SLC37A1: variants seen among roughly 807,000 people sequenced by gnomAD.
The protein encoded by SLC37A1 is solute carrier family 37 member 1, also known as glucose-6-phosphate exchanger SLC37A1.
In SLC37A1, 49 loss-of-function variants were observed where a neutral mutation model predicts 75.3. The observed-to-expected ratio is 0.65, with a 90% CI of 0.52 to 0.83. The LOEUF (loss-of-function observed/expected upper bound fraction) is 0.83. Ranked by LOEUF, SLC37A1 falls within the 40% of genes least tolerant of loss-of-function variation. The pLI is 0.00. For synonymous variants in SLC37A1, 268 were observed against 292.1 expected (o/e 0.92, Z 0.84); for missense variants, 566 against 695.0 (o/e 0.81, Z 2.09).
chr21:42,579,738 C>T lies in SLC37A1; in HGVS notation c.1524C>T (p.Phe508=), dbSNP rs1223367874. Reference sequence around the variant, plus strand: ...GGCTCACCTTTGTTTTGGTGCAGTTCCTGATCCGCCTCATACACAAGGAGC... The same window carrying T: ...GGCTCACCTTTGTTTTGGTGCAGTTTCTGATCCGCCTCATACACAAGGAGC... The part of the protein sequence containing the change: ...LMFADACALL[F]LIRLIHKELS... Residue 508 remains phenylalanine, a splice_region_variant and synonymous_variant, in exon 19 of 20, where the codon TTC becomes TTT. Coordinates refer to ENST00000352133, the MANE Select transcript of SLC37A1 (RefSeq NM_001320537.2). 1.2e-6 allele frequency: 2 copies of T among 1,614,180 alleles called. No individual in the cohort carries two copies. Among genetic ancestry groups the T allele is most frequent in the Non-Finnish European group, 8.5e-7 (1 of 1,180,034 alleles).
At chr21:42,567,119 A>G in intron 16 of SLC37A1, 61 bp downstream of exon 16, 1 of 1,568,944 alleles carries the variant, frequency 6.4e-7, no homozygotes, top group Non-Finnish European at 8.7e-7. Context: ...CATTCATGAC[A>G]AAAGTGGCCT....
chr21:42,515,422 A>T lies in SLC37A1; in HGVS notation c.-179+705A>T, dbSNP rs374519456. Among the ~76,000 whole-genome samples, 15 of 152,318 alleles carry T rather than the reference A, an allele frequency of 9.8e-5. 4 individuals carry two copies. The highest frequency in any genetic ancestry group is 1.9e-4 in the East Asian group (1 of 5,190). The stretch of plus-strand genomic sequence containing the variant: ...AAATATCTGTGGGGCCGCTTTGATT[A>T]TGTGTAATGCCACCTCAGCCCTAAA... On this transcript the variant is annotated intron_variant, in intron 1 of 19. Transcript: ENST00000352133.
rs1601654580 is a variant in SLC37A1, at chr21:42,514,335, C to G, written c.-561C>G. Reference sequence around the variant, plus strand: ...GAGTCCCCGGCAGGGGCGAGCTTAGCTGTCCAGCCGGGTCCCCTGCCCACC... The same window carrying G: ...GAGTCCCCGGCAGGGGCGAGCTTAGGTGTCCAGCCGGGTCCCCTGCCCACC... On this transcript the variant is annotated 5_prime_UTR_variant, in exon 1 of 20. Coordinates refer to ENST00000352133, the MANE Select transcript of SLC37A1 (RefSeq NM_001320537.2). The surrounding 1 kb of genome is among the most constrained non-coding windows in gnomAD (Gnocchi z 4.8). 6.6e-6 allele frequency: 1 copy of G among 151,904 alleles called. No homozygotes were observed. The highest frequency in any genetic ancestry group is 1.5e-5 in the Non-Finnish European group (1 of 68,000). The allele number at this position is 151,904 out of a possible 1,614,324, so 9.4% of individuals were successfully genotyped here.
rs768541152 is a variant in SLC37A1, at chr21:42,547,111, G to A, written c.739G>A (p.Asp247Asn). The change falls in exon 9 of 20, where the codon GAC becomes AAC. Residue 247 changes from aspartate (D) to asparagine (N), a missense_variant. Asp to Asn is a conservative substitution (Grantham distance 23). Transcript: ENST00000352133. This position sits in a 1 kb window ranked among gnomAD's most constrained non-coding sequence, Gnocchi z 6.1. ...CFLFLIEHPN[D>N]VRCSSTLVTH... Reference sequence around the variant, plus strand: ...CATGTTTGCTCTTTCAGATCCGAACGACGTCAGGTGCTCCTCCACCCTGGT... The same window carrying A: ...CATGTTTGCTCTTTCAGATCCGAACAACGTCAGGTGCTCCTCCACCCTGGT... The A allele has an allele frequency of 2.5e-6, 4 of 1,614,140 alleles. No homozygotes were observed. The highest frequency in any genetic ancestry group is 2.2e-5 in the South Asian group (2 of 91,080).
intron 2 of SLC37A1, among the ~76,000 whole-genome samples, chr21:42,503,246 TC>T (rs1398184347): frequency 3.9e-5 from 5 of 127,534 alleles, no homozygotes; most frequent in Non-Finnish European, 8.2e-5. Flanking sequence ...GAAATTATAC[TC>T]CTTTTTTTTT....
At chr21:42,556,999 C>T (rs1007812605) in intron 10 of SLC37A1, among the ~76,000 whole-genome samples, 3 of 152,200 alleles carry the variant, frequency 2.0e-5, no homozygotes, top group African/African-American at 7.2e-5. Context: ...TTTAAACCAG[C>T]CCAGCAAGTG....
intron 17 of SLC37A1, among the ~76,000 whole-genome samples, chr21:42,569,553 G>A (rs1288289839): frequency 9.1e-5 from 4 of 43,964 alleles, no homozygotes; most frequent in Admixed American, 5.5e-4. Context: ...CCCTCGTGCC[G>A]CACTCCCTCG....
intron 14 of SLC37A1, 112 bp downstream of exon 14, chr21:42,564,905 C>T (rs979334486): frequency 3.0e-6 from 3 of 989,532 alleles, no homozygotes; most frequent in Admixed American, 4.3e-5. Flanking sequence ...CTGACAAGCC[C>T]GCTTCATTCC....
chr21:42,572,917 T>C (rs986242634), intron 17 of SLC37A1, among the ~76,000 whole-genome samples: 2 of 152,092 alleles, frequency 1.3e-5, no homozygotes, highest in African/African-American at 4.8e-5. Flanking sequence ...CCCTGCATAG[T>C]GGTTTGAAGT....
intron 17 of SLC37A1, among the ~76,000 whole-genome samples, chr21:42,571,622 G>A (rs534836861): frequency 7.2e-4 from 110 of 152,032 alleles, no homozygotes; most frequent in Non-Finnish European, 1.3e-3. Flanking sequence ...TCATCTGAAC[G>A]TCATCAGCTG....
At chr21:42,522,292 C>T (rs1302152085) in intron 2 of SLC37A1, among the ~76,000 whole-genome samples, 1 of 152,110 alleles carries the variant, frequency 6.6e-6, no homozygotes, top group Non-Finnish European at 1.5e-5. Flanking sequence ...GGAAACATAT[C>T]ATCCAAAACA....
intron 19 of SLC37A1, 53 bp downstream of exon 19, chr21:42,579,853 C>G: frequency 6.3e-7 from 1 of 1,578,788 alleles, no homozygotes; most frequent in Non-Finnish European, 8.7e-7. Context: ...TCCAAAGTGC[C>G]TTCTGTCCTA....
intron 18 of SLC37A1, chr21:42,575,601 A>G: frequency 2.0e-6 from 2 of 985,406 alleles, no homozygotes; most frequent in Non-Finnish European, 2.4e-6. Flanking sequence ...AGGGGTGCAT[A>G]CACATCTTTA....
intron 7 of SLC37A1, 68 bp from the exon 8 acceptor site, chr21:42,543,368 C>A: frequency 6.3e-7 from 1 of 1,585,860 alleles, no homozygotes; most frequent in Non-Finnish European, 8.7e-7. Flanking sequence ...CACTGCTGCG[C>A]CCTGCACTGC....
chr21:42,548,557 C>T lies in SLC37A1; in HGVS notation c.768+1417C>T, dbSNP rs890722789. Among the ~76,000 whole-genome samples the T allele has an allele frequency of 6.6e-6, 1 of 152,166 alleles. No individual in the cohort carries two copies. ...GGAATGGAAACCCTCTCACCTCCTC[C>T]GCCTCTACCACCCTGGTCCCCGTCA... On this transcript the variant is annotated intron_variant, in intron 9 of 19. Transcript: ENST00000352133. This position sits in a 1 kb window ranked among gnomAD's most constrained non-coding sequence, Gnocchi z 5.6.
intron 5 of SLC37A1, among the ~76,000 whole-genome samples, chr21:42,537,073 A>T (rs1192071532): frequency 6.6e-6 from 1 of 152,232 alleles, no homozygotes; most frequent in South Asian, 2.1e-4. Context: ...GTGTAGGATC[A>T]TCAAGACCTG....
At chr21:42,506,055 A>C (rs978662773) in intron 2 of SLC37A1, among the ~76,000 whole-genome samples, 1 of 152,214 alleles carries the variant, frequency 6.6e-6, no homozygotes, top group African/African-American at 2.4e-5. Flanking sequence ...GCAGGCAGTA[A>C]GAGGATTCCC....
chr21:42,570,012 GGCCGTT>G (rs1423425768), intron 17 of SLC37A1, among the ~76,000 whole-genome samples: 3 of 151,300 alleles, frequency 2.0e-5, no homozygotes, highest in East Asian at 3.9e-4. Flanking sequence ...CGGGCAGGGT[GGCCGTT>G]GCCATGTGAC....
Position 42,514,458 on chromosome 21 carries a change from A to G in SLC37A1, c.-438A>G, listed in dbSNP as rs1344213213. 1 of 152,228 alleles carries G rather than the reference A, an allele frequency of 6.6e-6. No individual in the cohort carries two copies. The highest frequency in any genetic ancestry group is 1.9e-4 in the East Asian group (1 of 5,152). The allele number at this position is 152,228 out of a possible 1,614,324, so 9.4% of individuals were successfully genotyped here. Reference sequence around the variant, plus strand: ...GATGGGGACGTGGGCGTGCCCGCGGAATTCACCTCCTCCGGGGACCAGCCG... The same window carrying G: ...GATGGGGACGTGGGCGTGCCCGCGGGATTCACCTCCTCCGGGGACCAGCCG... On this transcript the variant is annotated 5_prime_UTR_variant, in exon 1 of 20. Transcript: ENST00000352133. This position sits in a 1 kb window ranked among gnomAD's most constrained non-coding sequence, Gnocchi z 4.8.
Sources: allele counts gnomAD v4.1 joint callset (sites outside exome capture counted in the v4.1 genomes callset), GRCh38; gene constraint gnomAD v4.1.1; non-coding constraint Gnocchi (gnomAD v3.1); transcripts MANE v1.5; gene names NCBI Gene and HGNC (gene_info 2026-07-23, HGNC 2026-07-21).